OR10A2: variants seen among roughly 807,000 people sequenced by gnomAD.
The protein encoded by OR10A2 is olfactory receptor 10A2.
In OR10A2, 15 loss-of-function variants were observed where a neutral mutation model predicts 13.7. The ratio of observed to expected loss-of-function variants is 1.10; its 90% CI spans 0.73 to 1.69. The LOEUF (loss-of-function observed/expected upper bound fraction) is 1.69. OR10A2 is among the 40% of genes most tolerant of loss of function. OR10A2 has a pLI of 0.00. For synonymous variants in OR10A2, 145 were observed against 144.7 expected, an observed-to-expected ratio of 1.00 and a Z score of -0.02; for missense variants, 343 against 361.1, an observed-to-expected ratio of 0.95 and a Z score of 0.41.
At chr11:6,868,806 A>G (rs1052664888) in intron 1 of OR10A2, among the ~76,000 whole-genome samples, 1 of 152,188 alleles carries the variant, frequency 6.6e-6, no homozygotes, top group South Asian at 2.1e-4. Context: ...TACGAATACA[A>G]TAAGAAGAGC....
chr11:6,868,691 G>C (rs2595454), intron 1 of OR10A2, among the ~76,000 whole-genome samples: 49,420 of 152,026 alleles, frequency 0.33, 8,572 homozygotes, highest in South Asian at 0.41. Flanking sequence ...TTTTTAACCA[G>C]AGTTTGCTAA....
At chr11:6,865,028 T>C (rs1848369235) in intron 1 of OR10A2, among the ~76,000 whole-genome samples, 1 of 126,918 alleles carries the variant, frequency 7.9e-6, no homozygotes, top group Admixed American at 8.5e-5. Flanking sequence ...TATATATTTA[T>C]ATATAAATGA....
In OR10A2 at chr11:6,869,855, T is replaced by G. The variant is rs757103356; in HGVS notation, c.101T>G (p.Leu34Arg). The G allele has an allele frequency of 4.3e-6, 7 of 1,614,214 alleles. No individual in the cohort carries two copies. The highest frequency in any genetic ancestry group is 5.9e-6 in the Non-Finnish European group (7 of 1,180,016). ...VTLMGNCLII[L>R]VTLADPMLHS... ...CTGATGGGAAACTGCCTCATCATTC[T>G]GGTTACCCTAGCTGACCCCATGCTA... The change falls in exon 2 of 2, where the codon CTG becomes CGG. Residue 34 changes from leucine (L) to arginine (R), a missense_variant. By Grantham distance (102) the Leu-to-Arg change is moderately radical (BLOSUM62 -2). Coordinates refer to ENST00000641461, the MANE Select transcript of OR10A2 (RefSeq NM_001004460.2).
intron 1 of OR10A2, among the ~76,000 whole-genome samples, chr11:6,867,631 A>G (rs3110011): frequency 0.98 from 149,637 of 152,350 alleles, 73,539 homozygotes; most frequent in East Asian, 1. Context: ...TGATATCTTG[A>G]ATTTCATCTC....
rs1331171477 is a variant in OR10A2, at chr11:6,873,273, C to A, written c.*2607C>A. On this transcript the variant is annotated 3_prime_UTR_variant, in exon 2 of 2. Transcript: ENST00000641461. ...ATTAGTAGAAACAACATTTGGTTCC[C>A]AGAGAGACAATGTAGACTGCCCAGG... 1 of 152,174 alleles carries A rather than the reference C, an allele frequency of 6.6e-6. No homozygotes were observed. The highest frequency in any genetic ancestry group is 2.4e-5 in the African/African-American group (1 of 41,436). 9.4% of individuals were successfully genotyped at this position (152,174 alleles called of 1,614,324 possible). A position where few individuals can be genotyped will look rare whatever the true frequency, so the allele number is the denominator to read the frequency against.
Position 6,872,086 on chromosome 11 carries a change from A to G in OR10A2, c.*1420A>G, listed in dbSNP as rs1848439953. On this transcript the variant is annotated 3_prime_UTR_variant, in exon 2 of 2. Coordinates refer to ENST00000641461, the MANE Select transcript of OR10A2 (RefSeq NM_001004460.2). ...TTTCGATTATTTAATATTTTATAAA[A>G]ACTCAATGAAATTTTAATTTGAATG... is the stretch of plus-strand genomic sequence containing the variant. The G allele has an allele frequency of 3.9e-5, 6 of 152,346 alleles. No homozygotes were observed. The South Asian group carries it at 1.2e-3, about 32-fold the overall frequency. The allele number at this position is 152,346 out of a possible 1,614,324, so 9.4% of individuals were successfully genotyped here.
At position 6,872,292 on chromosome 11, in the gene OR10A2, A is replaced by G. The variant is rs1364632316; in HGVS notation, c.*1626A>G. The G allele has an allele frequency of 6.6e-6, 1 of 152,164 alleles. No homozygotes were observed. The highest frequency in any genetic ancestry group is 1.5e-5 in the Non-Finnish European group (1 of 68,030). 9.4% of individuals were successfully genotyped at this position (152,164 alleles called of 1,614,324 possible). On this transcript the variant is annotated 3_prime_UTR_variant, in exon 2 of 2. Coordinates refer to ENST00000641461, the MANE Select transcript of OR10A2 (RefSeq NM_001004460.2). ...TTAGCCAAATCTATCCCATCTCTCAAGACCCCACTGTGATTCCTCAAGAAG... is the reference window on the plus strand; with the variant it reads ...TTAGCCAAATCTATCCCATCTCTCAGGACCCCACTGTGATTCCTCAAGAAG...
rs1848442496 is a variant in OR10A2, at chr11:6,872,358, T to A, written c.*1692T>A. 1.3e-5 allele frequency: 2 copies of A among 152,226 alleles called. No homozygotes were observed. Among genetic ancestry groups the A allele is most frequent in the Admixed American group, 1.3e-4 (2 of 15,290 alleles). The allele number at this position is 152,226 out of a possible 1,614,324, so 9.4% of individuals were successfully genotyped here. Reference sequence around the variant, plus strand: ...CTGTATGCACCCATTTCAAGTTTATTAATAAATACATTAAATTTTGTATAT... The same window carrying A: ...CTGTATGCACCCATTTCAAGTTTATAAATAAATACATTAAATTTTGTATAT... On this transcript the variant is annotated 3_prime_UTR_variant, in exon 2 of 2. Transcript: ENST00000641461.
At chr11:6,869,045 C>G (rs537784845) in intron 1 of OR10A2, among the ~76,000 whole-genome samples, 3 of 152,338 alleles carry the variant, frequency 2.0e-5, no homozygotes, top group African/African-American at 7.2e-5. Flanking sequence ...TAGTAAAAAT[C>G]TGAAGGGTTT....
rs1192925394 is a variant in OR10A2, at chr11:6,872,330, T to C, written c.*1664T>C. ...ATTCCTCAAGAAGCAGAAATCACTCTTTCTGTATGCACCCATTTCAAGTTT... is the reference window on the plus strand; with the variant it reads ...ATTCCTCAAGAAGCAGAAATCACTCCTTCTGTATGCACCCATTTCAAGTTT... On this transcript the variant is annotated 3_prime_UTR_variant, in exon 2 of 2. Transcript: ENST00000641461. The C allele has an allele frequency of 1.3e-5, 2 of 152,238 alleles. No homozygotes were observed. The highest frequency in any genetic ancestry group is 2.9e-5 in the Non-Finnish European group (2 of 68,034). 9.4% of individuals were successfully genotyped at this position (152,238 alleles called of 1,614,324 possible).
At position 6,869,787 on chromosome 11, in the gene OR10A2, G is replaced by C; in HGVS notation, c.33G>C (p.Gln11His). 1.2e-6 allele frequency: 2 copies of C among 1,614,104 alleles called. No individual in the cohort carries two copies. Among genetic ancestry groups the C allele is most frequent in the Non-Finnish European group, 1.7e-6 (2 of 1,179,992 alleles). The change falls in exon 2 of 2, where the codon CAG becomes CAC. Residue 11 changes from glutamine to histidine, a missense_variant. By Grantham distance (24) the Gln-to-His change is conservative (BLOSUM62 0). Coordinates refer to ENST00000641461, the MANE Select transcript of OR10A2 (RefSeq NM_001004460.2). ...TCTCTTCCCTGCCTACTGAAATACA[G>C]TCATTACTCTTTCTGACATTTCTAA... The part of the protein sequence containing the change: MSFSSLPTEI[Q>H]SLLFLTFLTI...
rs77661395 is a variant in OR10A2 at position 6,864,718 on chromosome 11, C to A, written c.-133+1367C>A. ...AAAAGGCAGAGGCAAGCAAAAAGAA[C>A]TCTGTTCAGTAAATAGTAAGAAGCT... On this transcript the variant is annotated intron_variant, in intron 1 of 1. Transcript: ENST00000641461. Among the ~76,000 whole-genome samples the A allele has an allele frequency of 1.4e-3, 220 of 152,004 alleles. 1 individual carries two copies. Among genetic ancestry groups the A allele is most frequent in the African/African-American group, 5.1e-3 (213 of 41,476 alleles).
At position 6,870,618 on chromosome 11, in the gene OR10A2, C is replaced by T. The variant is rs547808780; in HGVS notation, c.864C>T (p.Leu288=). 2.5e-6 allele frequency: 4 copies of T among 1,610,694 alleles called. No individual in the cohort carries two copies. The South Asian group carries it at 3.3e-5, about 13-fold the overall frequency. ...GAAATAACGAGGTGAAGAATGCCCTCAGCAGGACGGTCTCTAAGGCCCTAG... is the reference window on the plus strand; with the variant it reads ...GAAATAACGAGGTGAAGAATGCCCTTAGCAGGACGGTCTCTAAGGCCCTAG... ...SLRNNEVKNA[L]SRTVSKALAL... Residue 288 remains leucine, a synonymous_variant, in exon 2 of 2, where the codon CTC becomes CTT. Transcript: ENST00000641461.
chr11:6,872,543 A>C lies in OR10A2; in HGVS notation c.*1877A>C, dbSNP rs1192800713. ...TCTGTCACCCAGGCTGGACTGCGGT[A>C]GCAGAATTATGGCTCACTGTAGCCT... On this transcript the variant is annotated 3_prime_UTR_variant, in exon 2 of 2. Coordinates refer to ENST00000641461, the MANE Select transcript of OR10A2 (RefSeq NM_001004460.2). 1 of 152,174 alleles carries C rather than the reference A, an allele frequency of 6.6e-6. No individual in the cohort carries two copies. The highest frequency in any genetic ancestry group is 1.5e-5 in the Non-Finnish European group (1 of 68,042). The allele number at this position is 152,174 out of a possible 1,614,324, so 9.4% of individuals were successfully genotyped here.
Position 6,870,286 on chromosome 11 carries a change from G to A in OR10A2, c.532G>A (p.Asp178Asn). ...SPPVLRLVCA[D>N]TALFEIYAIV... The stretch of plus-strand genomic sequence containing the variant: ...ACCTGTGCTGAGGCTGGTCTGTGCA[G>A]ACACAGCACTCTTTGAGATCTACGC... The change falls in exon 2 of 2, where the codon GAC becomes AAC. Residue 178 changes from aspartate (D) to asparagine (N), a missense_variant. Transcript: ENST00000641461. 1.2e-6 allele frequency: 2 copies of A among 1,614,204 alleles called. No homozygotes were observed. The highest frequency in any genetic ancestry group is 1.1e-5 in the South Asian group (1 of 91,084).
At position 6,870,947 on chromosome 11, in the gene OR10A2, CTTT is replaced by C. The variant is rs35120311; in HGVS notation, c.*296_*298del. The C allele has an allele frequency of 5.6e-4, 78 of 138,430 alleles. No homozygotes were observed. Among genetic ancestry groups the C allele is most frequent in the South Asian group, 2.7e-3 (15 of 5,476 alleles). 8.6% of individuals were successfully genotyped at this position (138,430 alleles called of 1,614,324 possible). A position where few individuals can be genotyped will look rare whatever the true frequency, so the allele number is the denominator to read the frequency against. On this transcript the variant is annotated 3_prime_UTR_variant, in exon 2 of 2. Transcript: ENST00000641461. ...CCAACTATTTCCAGGTGTTATATTTCTTTTTTTTTTTTTTTTTGAGACGGAGTC... is the reference window on the plus strand; with the variant it reads ...CCAACTATTTCCAGGTGTTATATTTCTTTTTTTTTTTTTTGAGACGGAGTC...
rs748616449 is a variant in OR10A2, at chr11:6,872,182, T to C, written c.*1516T>C. ...GGAAAGGTGTGCATTTCATTGAAAC[T>C]TGAGTTATAGATTAGACGATTAGCA... On this transcript the variant is annotated 3_prime_UTR_variant, in exon 2 of 2. Coordinates refer to ENST00000641461, the MANE Select transcript of OR10A2 (RefSeq NM_001004460.2). The C allele has an allele frequency of 1.3e-5, 2 of 152,218 alleles. No homozygotes were observed. The highest frequency in any genetic ancestry group is 4.8e-5 in the African/African-American group (2 of 41,464). The allele number at this position is 152,218 out of a possible 1,614,324, so 9.4% of individuals were successfully genotyped here. A position where few individuals can be genotyped will look rare whatever the true frequency, so the allele number is the denominator to read the frequency against.
In OR10A2 at chr11:6,869,841, C is replaced by G. The variant is rs1848410675; in HGVS notation, c.87C>G (p.Asn29Lys). 6.2e-7 allele frequency: 1 copy of G among 1,614,182 alleles called. No individual in the cohort carries two copies. The highest frequency in any genetic ancestry group is 8.5e-7 in the Non-Finnish European group (1 of 1,180,002). ...LTIYLVTLMG[N>K]CLIILVTLAD... ...TCTACCTGGTCACCCTGATGGGAAA[C>G]TGCCTCATCATTCTGGTTACCCTAG... Residue 29 changes from asparagine to lysine, a missense_variant, in exon 2 of 2, where the codon AAC becomes AAG. Transcript: ENST00000641461.
intron 1 of OR10A2, among the ~76,000 whole-genome samples, chr11:6,869,238 A>G (rs928381128): frequency 2.0e-5 from 3 of 152,254 alleles, no homozygotes; most frequent in Non-Finnish European, 2.9e-5. Flanking sequence ...CCAGTCAAGA[A>G]AGGTTCATGA....
Sources: gnomAD v4.1 joint callset for allele counts (sites outside exome capture counted in the v4.1 genomes callset) on GRCh38, gnomAD v4.1.1 for gene constraint, MANE v1.5 for transcripts, NCBI Gene and HGNC (gene_info 2026-07-23, HGNC 2026-07-21) for gene names.